Variants in TNKS observed in about 807,000 individuals in gnomAD.
The protein encoded by TNKS is poly [ADP-ribose] polymerase tankyrase-1.
Under a neutral mutation model 135.8 loss-of-function variants are expected in TNKS, and 72 were observed. The ratio of observed to expected loss-of-function variants is 0.53; its 90% CI spans 0.44 to 0.64. The LOEUF is 0.64. Among genes scored for constraint, TNKS ranks in the 30% least tolerant of loss-of-function variants. TNKS has a pLI of 0.00. For synonymous variants in TNKS, 849 were observed against 649.3 expected, an observed-to-expected ratio of 1.31 and a Z score of -4.68; for missense variants, 1,769 against 1,674.0, an observed-to-expected ratio of 1.06 and a Z score of -0.99.
rs781158437 is a variant in TNKS at position 9,766,471 on chromosome 8, G to A, written c.3740+46G>A. 1.1e-5 allele frequency: 12 copies of A among 1,139,684 alleles called. 1 individual carries two copies. The highest frequency in any genetic ancestry group is 6.7e-5 in the South Asian group (3 of 44,860). The allele number at this position is 1,139,684 out of a possible 1,614,324, so 70.6% of individuals were successfully genotyped here. A position where few individuals can be genotyped will look rare whatever the true frequency, so the allele number is the denominator to read the frequency against. ...GTAACGTTTCCCACCCCTAGGTCAC[G>A]AACCAAATTGTCTTTTTTTTTTTTT... On this transcript the variant is annotated intron_variant, in intron 25 of 26. Coordinates refer to ENST00000310430, the MANE Select transcript of TNKS (RefSeq NM_003747.3).
chr8:9,742,983 C>G (rs1188570975), intron 17 of TNKS, among the ~76,000 whole-genome samples: 2 of 151,914 alleles, frequency 1.3e-5, no homozygotes, highest in African/African-American at 4.8e-5. Flanking sequence ...TCAAAAGTTC[C>G]TTTTTATTCA....
At chr8:9,767,876 G>A (rs1807558262) in intron 25 of TNKS, among the ~76,000 whole-genome samples, 4 of 150,756 alleles carry the variant, frequency 2.7e-5, no homozygotes, top group Admixed American at 2.0e-4. Context: ...GGAGAATGGT[G>A]AGTACCCAGG....
At chr8:9,715,774 T>A (rs4129360) in intron 11 of TNKS, among the ~76,000 whole-genome samples, 88,720 of 151,972 alleles carry the variant, frequency 0.58, 26,277 homozygotes, top group Middle Eastern at 0.69. Flanking sequence ...AATCCTCATT[T>A]ACTAGGAGTA....
At chr8:9,672,363 C>G (rs567195481) in intron 3 of TNKS, among the ~76,000 whole-genome samples, 1 of 151,996 alleles carries the variant, frequency 6.6e-6, no homozygotes, top group Non-Finnish European at 1.5e-5. Context: ...AAAACACCCC[C>G]CGTGGAGACT....
At chr8:9,560,663 G>T (rs1355170185) in intron 1 of TNKS, among the ~76,000 whole-genome samples, 1 of 151,686 alleles carries the variant, frequency 6.6e-6, no homozygotes, top group Non-Finnish European at 1.5e-5. Flanking sequence ...ACTTCTCGTT[G>T]CCTGGCAAGA....
intron 26 of TNKS, among the ~76,000 whole-genome samples, chr8:9,771,377 A>AGGGAAGAAGGAAGG (rs1807846636): frequency 1.1e-5 from 1 of 88,286 alleles, no homozygotes. Context: ...GAAGGGAGGG[A>AGGGAAGAAGGAAGG]GGGAAAGAGA....
At chr8:9,754,785 C>T (rs1806749188) in intron 20 of TNKS, among the ~76,000 whole-genome samples, 1 of 152,090 alleles carries the variant, frequency 6.6e-6, no homozygotes, top group South Asian at 2.1e-4. Context: ...TCACAGGTGC[C>T]TTTGCGTCTA....
chr8:9,772,359 A>G lies in TNKS; in HGVS notation c.3897+2097A>G, dbSNP rs78578674. ...AATGAGGGACAGATAGGCTTATATTATCTCTCTAGGTGGATACTCTAAAGG... is the reference window on the plus strand; with the variant it reads ...AATGAGGGACAGATAGGCTTATATTGTCTCTCTAGGTGGATACTCTAAAGG... On this transcript the variant is annotated intron_variant, in intron 26 of 26. Coordinates refer to ENST00000310430, the MANE Select transcript of TNKS (RefSeq NM_003747.3). The G allele has an allele frequency of 1.3e-3, 580 of 455,200 alleles. 7 individuals are homozygous for G. Among genetic ancestry groups the G allele is most frequent in the African/African-American group, 9.9e-3 (496 of 50,066 alleles). 28.2% of individuals were successfully genotyped at this position (455,200 alleles called of 1,614,324 possible). A position where few individuals can be genotyped will look rare whatever the true frequency, so the allele number is the denominator to read the frequency against.
chr8:9,555,983 A>T lies in TNKS; in HGVS notation c.44A>T (p.Gln15Leu). ...RRSQHHHHHHQQQLQPAPGAS... is the reference protein window; with the variant it reads ...RRSQHHHHHHLQQLQPAPGAS... ...TCTCAGCATCATCACCACCATCATC[A>T]ACAACAGCTCCAGCCCGCCCCAGGG... Residue 15 changes from glutamine (Q) to leucine (L), a missense_variant, in exon 1 of 27, where the codon CAA becomes CTA. This residue lies in a region of TNKS where 450 missense variants were observed against 304.9 expected (regional missense o/e 1.48). Transcript: ENST00000310430. 6.2e-7 allele frequency: 1 copy of T among 1,613,448 alleles called. No individual in the cohort carries two copies. Among genetic ancestry groups the T allele is most frequent in the Non-Finnish European group, 8.5e-7 (1 of 1,179,844 alleles).
chr8:9,676,686 C>CTCTCTCTGTGTGTGTGTGTG (rs1554467464), intron 3 of TNKS, among the ~76,000 whole-genome samples: 56 of 147,884 alleles, frequency 3.8e-4, no homozygotes, highest in African/African-American at 1.3e-3. Context: ...CTCTCTCTCT[C>CTCTCTCTGTGTGTGTGTGTG]TGTGTGTGTG....
At chr8:9,770,391 G>T (rs1050019238) in intron 26 of TNKS, 129 bp downstream of exon 26, 7 of 997,980 alleles carry the variant, frequency 7.0e-6, no homozygotes, top group Non-Finnish European at 8.4e-6. Flanking sequence ...AATTACTTCA[G>T]ATACAAAATA....
intron 3 of TNKS, among the ~76,000 whole-genome samples, chr8:9,657,247 G>A: frequency 8.1e-6 from 1 of 123,430 alleles, no homozygotes; most frequent in African/African-American, 2.9e-5. Flanking sequence ...GCCGGGCGGG[G>A]GGCCGACCCC....
chr8:9,598,146 C>T (rs1300617204), intron 2 of TNKS, among the ~76,000 whole-genome samples: 2 of 152,042 alleles, frequency 1.3e-5, no homozygotes, highest in Non-Finnish European at 2.9e-5. Flanking sequence ...CCAGGGTTCA[C>T]GCCATTCTCC....
chr8:9,662,896 A>T (rs1346913967), intron 3 of TNKS, among the ~76,000 whole-genome samples: 2 of 152,362 alleles, frequency 1.3e-5, no homozygotes, highest in Non-Finnish European at 2.9e-5. Context: ...TCAACATACT[A>T]ATCCCCAGAA....
intron 3 of TNKS, among the ~76,000 whole-genome samples, chr8:9,643,296 G>A (rs772966281): frequency 6.8e-6 from 1 of 146,014 alleles, no homozygotes; most frequent in Non-Finnish European, 1.5e-5. Flanking sequence ...AAGCTGAGAA[G>A]TCCAAGGTTG....
At chr8:9,607,079 C>T (rs1220112353) in intron 2 of TNKS, among the ~76,000 whole-genome samples, 1 of 151,964 alleles carries the variant, frequency 6.6e-6, no homozygotes, top group African/African-American at 2.4e-5. Flanking sequence ...ATTGAGCGTT[C>T]CACAGAGCTT....
chr8:9,586,995 A>G (rs931020454), intron 2 of TNKS, among the ~76,000 whole-genome samples: 2 of 152,206 alleles, frequency 1.3e-5, no homozygotes, highest in South Asian at 4.1e-4. Context: ...AAAACTTTTT[A>G]TAAGAAGTTA....
rs973499091 is a variant in TNKS, at chr8:9,741,727, A to G, written c.2643+6241A>G. 1.7e-5 allele frequency: 9 copies of G among 530,330 alleles called. No individual in the cohort carries two copies. In the East Asian group the frequency reaches 2.2e-4, roughly 13 times the overall value. The allele number at this position is 530,330 out of a possible 1,614,324, so 32.9% of individuals were successfully genotyped here. A position where few individuals can be genotyped will look rare whatever the true frequency, so the allele number is the denominator to read the frequency against. On this transcript the variant is annotated intron_variant, in intron 17 of 26. Coordinates refer to ENST00000310430, the MANE Select transcript of TNKS (RefSeq NM_003747.3). ...CCACTGTGAAGACAGTAAAATGTAC[A>G]GTGGTTCTCTTGTGGCTCAAGCGTA... is the stretch of plus-strand genomic sequence containing the variant.
chr8:9,714,389 A>G (rs1804496497), intron 11 of TNKS, among the ~76,000 whole-genome samples: 1 of 151,922 alleles, frequency 6.6e-6, no homozygotes, highest in African/African-American at 2.4e-5. Flanking sequence ...AGTGCTTAAC[A>G]CACAGATAAT....
Sources: gnomAD v4.1 joint callset for allele counts (sites outside exome capture counted in the v4.1 genomes callset) on GRCh38, gnomAD v4.1.1 for gene constraint, gnomAD v4.1.1 regional missense constraint, MANE v1.5 for transcripts, NCBI Gene and HGNC (gene_info 2026-07-23, HGNC 2026-07-21) for gene names.